The following IPP variants were observed in gnomAD, a reference collection of about 807,000 sequenced individuals.
IPP encodes actin-binding protein IPP.
In IPP, 41 loss-of-function variants were observed where a neutral mutation model predicts 64.1. The ratio of observed to expected loss-of-function variants is 0.64; its 90% confidence interval spans 0.50 to 0.83. IPP has a LOEUF of 0.83. Among genes scored for constraint, IPP ranks in the 40% least tolerant of loss-of-function variants. The pLI is 0.00. For missense variants in IPP, 649 were observed against 703.0 expected (o/e 0.92, Z 0.87); for synonymous variants, 214 against 235.2 (o/e 0.91, Z 0.83).
intron 1 of IPP, 72 bp from the exon 2 acceptor site, chr1:45,746,533 C>T (rs1341636977): frequency 1.6e-6 from 1 of 643,996 alleles, no homozygotes; most frequent in Non-Finnish European, 2.7e-6. Context: ...ACATAAGAAG[C>T]ATTCTCTATA....
chr1:45,748,710 G>A (rs866966618), intron 1 of IPP, among the ~76,000 whole-genome samples: 4 of 151,916 alleles, frequency 2.6e-5, no homozygotes, highest in South Asian at 2.1e-4. Context: ...GGTGACTCAC[G>A]CCTTTAATCC....
intron 3 of IPP, among the ~76,000 whole-genome samples, chr1:45,736,782 G>C (rs1645987050): frequency 6.6e-6 from 1 of 152,058 alleles, no homozygotes; most frequent in Non-Finnish European, 1.5e-5. Context: ...GCTCATGACT[G>C]TAATCCCAGC....
intron 8 of IPP, among the ~76,000 whole-genome samples, chr1:45,709,345 ATG>A (rs1395268648): frequency 6.8e-6 from 1 of 148,004 alleles, no homozygotes; most frequent in Admixed American, 6.9e-5. Flanking sequence ...AGGCAGGAGA[ATG>A]GTGTGAACCC....
chr1:45,717,116 A>C, intron 6 of IPP, 99 bp from the exon 7 acceptor site: 1 of 1,097,542 alleles, frequency 9.1e-7, no homozygotes, highest in Non-Finnish European at 1.3e-6. Context: ...CATATTATAG[A>C]TATCACATGA....
chr1:45,705,679 A>G (rs927581810), intron 8 of IPP, among the ~76,000 whole-genome samples: 1 of 152,012 alleles, frequency 6.6e-6, no homozygotes, highest in African/African-American at 2.4e-5. Flanking sequence ...GGTGGTGCGC[A>G]CCTGTAATCT....
chr1:45,729,746 C>A lies in IPP; in HGVS notation c.748G>T (p.Val250Phe). 1.9e-6 allele frequency: 3 copies of A among 1,589,194 alleles called. No homozygotes were observed. Among genetic ancestry groups the A allele is most frequent in the Non-Finnish European group, 2.6e-6 (3 of 1,167,270 alleles). ...TCTTTCAGAAGTGTTTGCAATGCAA[C>A]ACGAAGATTAAAATCGGATACTCCT... ...IEGVSDFNLR[V>F]ALQTLLKEYC... The change falls in exon 4 of 9, where the codon GTT becomes TTT. Residue 250 changes from valine to phenylalanine, a missense_variant. Coordinates refer to ENST00000396478, the MANE Select transcript of IPP (RefSeq NM_005897.3).
intron 5 of IPP, among the ~76,000 whole-genome samples, chr1:45,726,160 T>A (rs1383738404): frequency 1.4e-5 from 2 of 141,298 alleles, no homozygotes; most frequent in Non-Finnish European, 3.0e-5. Context: ...ACCCCATCTC[T>A]AAAAAAAAAA....
At chr1:45,694,577 C>T, downstream of IPP, 1 of 906,348 alleles carries the variant, frequency 1.1e-6, no homozygotes. Flanking sequence ...AAGGCATGTC[C>T]AAACTTATTT....
At chr1:45,725,363 A>G (rs1357606032) in intron 5 of IPP, among the ~76,000 whole-genome samples, 1 of 146,766 alleles carries the variant, frequency 6.8e-6, no homozygotes, top group Admixed American at 6.7e-5. Context: ...CCGCCCGGCC[A>G]GCCACCCCAT....
chr1:45,727,745 A>G lies in IPP; in HGVS notation c.934T>C (p.Cys312Arg). The G allele has an allele frequency of 6.3e-7, 1 of 1,587,864 alleles. No individual in the cohort carries two copies. Among genetic ancestry groups the G allele is most frequent in the East Asian group, 2.3e-5 (1 of 44,444 alleles). ...GRWSDSRALS[C>R]VERFDTFSQY... ...CTAAAGGTGTCAAAACGTTCTACAC[A>G]GCTGAGGGCTCTGCTATCACTCCAG... Residue 312 changes from cysteine to arginine, a missense_variant, in exon 5 of 9, where the codon TGT becomes CGT. Transcript: ENST00000396478.
intron 8 of IPP, among the ~76,000 whole-genome samples, chr1:45,713,756 A>G (rs190040611): frequency 6.6e-6 from 1 of 152,148 alleles, no homozygotes; most frequent in East Asian, 1.9e-4. Flanking sequence ...ATACAGTCTC[A>G]CTATGCTGTT....
Position 45,714,458 on chromosome 1 carries a change from A to C in IPP, c.1318T>G (p.Tyr440Asp). 6.2e-7 allele frequency: 1 copy of C among 1,604,704 alleles called. No individual in the cohort carries two copies. Among genetic ancestry groups the C allele is most frequent in the Non-Finnish European group, 8.5e-7 (1 of 1,171,418 alleles). ...FGCCEMQGLIYVIGGISNEGI... is the reference protein window; with the variant it reads ...FGCCEMQGLIDVIGGISNEGI... Reference sequence around the variant, plus strand: ...TCATTGCTGATGCCCCCAATTACATAAATTAAACCTGGAAGTGGAATATTT... The same window carrying C: ...TCATTGCTGATGCCCCCAATTACATCAATTAAACCTGGAAGTGGAATATTT... Residue 440 changes from tyrosine (Y) to aspartate (D), a missense_variant, in exon 8 of 9, where the codon TAT becomes GAT. Tyr to Asp is a radical substitution (Grantham distance 160, BLOSUM62 -3). Coordinates refer to ENST00000396478, the MANE Select transcript of IPP (RefSeq NM_005897.3).
At chr1:45,720,108 C>T (rs1035188704) in intron 5 of IPP, among the ~76,000 whole-genome samples, 10 of 151,856 alleles carry the variant, frequency 6.6e-5, no homozygotes, top group African/African-American at 2.4e-4. Flanking sequence ...CAGAGTCTGG[C>T]TCTGTCACCC....
chr1:45,709,453 A>AAAAG (rs1645561421), intron 8 of IPP, among the ~76,000 whole-genome samples: 2 of 144,460 alleles, frequency 1.4e-5, no homozygotes, highest in South Asian at 4.4e-4. Flanking sequence ...AAAAAAAGAG[A>AAAAG]AGCTCTTTGA....
chr1:45,695,232 A>G (rs941423915), downstream of IPP, among the ~76,000 whole-genome samples: 6 of 152,148 alleles, frequency 3.9e-5, no homozygotes, highest in Non-Finnish European at 5.9e-5. Context: ...TGGTGTGGTC[A>G]TGGCTCACTG....
rs1348496906 is a variant in IPP at position 45,716,940 on chromosome 1, T to TACCGTGTC, written c.1263_1264insGACACGGT (p.Asn422AspfsTer20). The TACCGTGTC allele has an allele frequency of 6.2e-7, 1 of 1,612,816 alleles. No homozygotes were observed. Among genetic ancestry groups the TACCGTGTC allele is most frequent in the Admixed American group, 1.7e-5 (1 of 59,956 alleles). ...AAGTAGTAGCGTGACACAGCCATGT[T>TACCGTGTC]ACCAACTACTTCCCATTTATTTTCA... On this transcript the variant is annotated frameshift_variant, in exon 7 of 9. Coordinates refer to ENST00000396478, the MANE Select transcript of IPP (RefSeq NM_005897.3). LOFTEE classifies it high-confidence loss of function.
chr1:45,725,249 G>A (rs1296318694), intron 5 of IPP, among the ~76,000 whole-genome samples: 84 of 134,912 alleles, frequency 6.2e-4, no homozygotes, highest in African/African-American at 2.2e-3. Flanking sequence ...CGCCCCGTCC[G>A]GGAGGTGAGG....
chr1:45,729,037 T>A (rs552873516), intron 4 of IPP, among the ~76,000 whole-genome samples: 11 of 150,260 alleles, frequency 7.3e-5, no homozygotes, highest in African/African-American at 2.7e-4. Flanking sequence ...TCCCAGCTAC[T>A]CAGGAGGCTG....
intron 4 of IPP, among the ~76,000 whole-genome samples, chr1:45,728,298 G>C (rs1030477636): frequency 6.7e-6 from 1 of 150,160 alleles, no homozygotes; most frequent in Non-Finnish European, 1.5e-5. Flanking sequence ...ACATCCAATC[G>C]GCAAAAAAAT....
Sources: allele counts gnomAD v4.1 joint callset (sites outside exome capture counted in the v4.1 genomes callset), GRCh38; gene constraint gnomAD v4.1.1; transcripts MANE v1.5; gene names NCBI Gene and HGNC (gene_info 2026-07-23, HGNC 2026-07-21).